Variants in ZMIZ1 observed in about 807,000 individuals in gnomAD.
ZMIZ1 encodes the protein zinc finger MIZ-type containing 1.
A neutral mutation model predicts 113.9 loss-of-function variants in ZMIZ1; 17 were observed. The observed-to-expected ratio is 0.15, with a 90% confidence interval of 0.10 to 0.22. The LOEUF (loss-of-function observed/expected upper bound fraction) is 0.22, where lower values mean the gene tolerates loss of function less well. ZMIZ1 is among the 10% of genes least tolerant of loss of function. The probability of loss-of-function intolerance (pLI) is 1.00; values close to 1 mark genes in which losing one functional copy is unlikely to be tolerated. For missense variants in ZMIZ1, 1,059 were observed against 1,477.8 expected, an observed-to-expected ratio of 0.72 and a Z score of 4.65; for synonymous variants, 607 against 603.1, an observed-to-expected ratio of 1.01 and a Z score of -0.09.
chr10:79,220,520 C>T (rs1209930634), intron 7 of ZMIZ1, among the ~76,000 whole-genome samples: 2 of 152,222 alleles, frequency 1.3e-5, no homozygotes, highest in South Asian at 2.1e-4. Flanking sequence ...TCGCTCCAGC[C>T]CCCAAGCCCC....
At chr10:79,120,874 T>G (rs1844261985) in intron 2 of ZMIZ1, among the ~76,000 whole-genome samples, 1 of 152,210 alleles carries the variant, frequency 6.6e-6, no homozygotes, top group African/African-American at 2.4e-5. Flanking sequence ...TGGTGGGGTC[T>G]GTGTCATCCC....
At chr10:79,268,763 A>C (rs1851755074) in intron 7 of ZMIZ1, among the ~76,000 whole-genome samples, 1 of 152,184 alleles carries the variant, frequency 6.6e-6, no homozygotes, top group Non-Finnish European at 1.5e-5. Context: ...CTGGGGATAC[A>C]GATTGGAAAG....
intron 2 of ZMIZ1, among the ~76,000 whole-genome samples, chr10:79,127,440 T>G (rs997219496): frequency 6.6e-6 from 1 of 152,116 alleles, no homozygotes; most frequent in Non-Finnish European, 1.5e-5. Context: ...ATGGCCCAGG[T>G]TCCTGCTCGG....
chr10:79,314,183 C>A lies in ZMIZ1; in HGVS notation c.*1434C>A, dbSNP rs1287581388. The A allele has an allele frequency of 6.6e-6, 3 of 457,090 alleles. 1 individual carries two copies. The Admixed American group carries it at 7.0e-5, about 11-fold the overall frequency. The allele number at this position is 457,090 out of a possible 1,614,324, so 28.3% of individuals were successfully genotyped here. A position where few individuals can be genotyped will look rare whatever the true frequency, so the allele number is the denominator to read the frequency against. ...CCATCTGGCTTACCACTCTCCAGGG[C>A]CTCCTGGGGAGCCTGTCCTGTGTTC... On this transcript the variant is annotated 3_prime_UTR_variant, in exon 25 of 25. Coordinates refer to ENST00000334512, the MANE Select transcript of ZMIZ1 (RefSeq NM_020338.4).
chr10:79,175,008 G>T (rs1846766174), intron 4 of ZMIZ1, among the ~76,000 whole-genome samples: 1 of 152,204 alleles, frequency 6.6e-6, no homozygotes, highest in Non-Finnish European at 1.5e-5. Context: ...TGAGGCTGAG[G>T]GTTGGAGCCA....
At chr10:79,240,518 C>A (rs1298511096) in intron 7 of ZMIZ1, among the ~76,000 whole-genome samples, 1 of 152,132 alleles carries the variant, frequency 6.6e-6, no homozygotes. Context: ...CAGAGAGAGC[C>A]TTGAAATTAG....
chr10:79,302,704 T>G (rs1485033611), intron 18 of ZMIZ1, among the ~76,000 whole-genome samples: 9 of 133,310 alleles, frequency 6.8e-5, no homozygotes, highest in Non-Finnish European at 1.1e-4. Flanking sequence ...TTTTTTTTTT[T>G]TGAGAGAGAG....
At chr10:79,307,603 C>T in intron 23 of ZMIZ1, 32 bp downstream of exon 23, 1 of 1,601,132 alleles carries the variant, frequency 6.2e-7, no homozygotes, top group Non-Finnish European at 8.5e-7. Flanking sequence ...CATTCCATTC[C>T]CCAGCCTTTG....
At chr10:79,259,242 G>A (rs1851107879) in intron 7 of ZMIZ1, among the ~76,000 whole-genome samples, 1 of 152,190 alleles carries the variant, frequency 6.6e-6, no homozygotes. Context: ...CAGGGAAGGG[G>A]GGGCTGGAGC....
At chr10:79,163,596 G>A (rs1291970572) in intron 4 of ZMIZ1, among the ~76,000 whole-genome samples, 1 of 152,294 alleles carries the variant, frequency 6.6e-6, no homozygotes, top group Middle Eastern at 3.4e-3. Context: ...GAGGCTCGGC[G>A]TGGTTAGGAA....
At chr10:79,220,507 A>T (rs1848921135) in intron 7 of ZMIZ1, among the ~76,000 whole-genome samples, 1 of 152,052 alleles carries the variant, frequency 6.6e-6, no homozygotes, top group Admixed American at 6.6e-5. Flanking sequence ...GCAGTTCCAG[A>T]GCTCGCTCCA....
chr10:79,241,179 A>G (rs1295220347), intron 7 of ZMIZ1, among the ~76,000 whole-genome samples: 1 of 152,230 alleles, frequency 6.6e-6, no homozygotes, highest in Non-Finnish European at 1.5e-5. Flanking sequence ...GATCTTAGGT[A>G]CATCCATCTC....
intron 5 of ZMIZ1, among the ~76,000 whole-genome samples, chr10:79,202,722 G>A (rs1321854515): frequency 6.6e-6 from 1 of 152,230 alleles, no homozygotes; most frequent in African/African-American, 2.4e-5. Flanking sequence ...CAGGAGTGAC[G>A]TGCCCACCTG....
chr10:79,074,928 C>T (rs4980022), intron 1 of ZMIZ1, among the ~76,000 whole-genome samples: 60,733 of 152,200 alleles, frequency 0.4, 13,451 homozygotes, highest in Non-Finnish European at 0.51. Flanking sequence ...GCCCAGCTGC[C>T]GGAGTTACTG....
chr10:79,297,809 C>T, intron 14 of ZMIZ1, 119 bp downstream of exon 14: 1 of 805,950 alleles, frequency 1.2e-6, no homozygotes, highest in Non-Finnish European at 2.0e-6. Flanking sequence ...TGGGGGTGCA[C>T]TCCCTGGTCC....
chr10:79,165,091 C>T (rs1846269307), intron 4 of ZMIZ1, among the ~76,000 whole-genome samples: 2 of 152,080 alleles, frequency 1.3e-5, no homozygotes, highest in Admixed American at 1.3e-4. Flanking sequence ...TGGGGAGGTA[C>T]AGAAAGCCCT....
intron 2 of ZMIZ1, among the ~76,000 whole-genome samples, chr10:79,128,007 G>A (rs967401033): frequency 8.5e-5 from 13 of 152,230 alleles, no homozygotes; most frequent in African/African-American, 2.9e-4. Flanking sequence ...TTGCAAGCAT[G>A]CAGTTCCTTG....
At chr10:79,166,933 T>C (rs987828815) in intron 4 of ZMIZ1, among the ~76,000 whole-genome samples, 2 of 152,246 alleles carry the variant, frequency 1.3e-5, no homozygotes, top group African/African-American at 2.4e-5. Flanking sequence ...GTCACCGCCA[T>C]CTGGCCCCAG....
At chr10:79,209,666 G>A (rs1040363998) in intron 6 of ZMIZ1, among the ~76,000 whole-genome samples, 4 of 152,244 alleles carry the variant, frequency 2.6e-5, no homozygotes, top group Non-Finnish European at 5.9e-5. Flanking sequence ...GCGGCAACAC[G>A]GCTATCGTGA....
Sources: gnomAD v4.1 joint callset for allele counts (sites outside exome capture counted in the v4.1 genomes callset) on GRCh38, gnomAD v4.1.1 for gene constraint, MANE v1.5 for transcripts, NCBI Gene and HGNC (gene_info 2026-07-23, HGNC 2026-07-21) for gene names.